EXOC5: variants seen among roughly 807,000 people sequenced by gnomAD.
The protein encoded by EXOC5 is SEC10-like 1.
EXOC5 carries 17 observed loss-of-function variants against 90.8 expected under a neutral mutation model. The ratio of observed to expected loss-of-function variants is 0.19; its 90% CI spans 0.13 to 0.28. The LOEUF is 0.28. Ranked by LOEUF, EXOC5 falls within the 10% of genes least tolerant of loss-of-function variation. EXOC5 has a pLI of 1.00. For synonymous variants in EXOC5, 260 were observed against 270.0 expected, an observed-to-expected ratio of 0.96 and a Z score of 0.36; for missense variants, 569 against 830.6, an observed-to-expected ratio of 0.69 and a Z score of 3.87.
intron 15 of EXOC5, among the ~76,000 whole-genome samples, chr14:57,216,002 A>T (rs969240204): frequency 1.1e-4 from 16 of 152,138 alleles, no homozygotes; most frequent in African/African-American, 3.9e-4. Context: ...ATCATACAAA[A>T]ATCAGTTGTT....
In EXOC5 at chr14:57,232,708, A is replaced by C. The variant is rs1883523702; in HGVS notation, c.897T>G (p.Asp299Glu). 4 of 1,557,376 alleles carry C rather than the reference A, an allele frequency of 2.6e-6. No homozygotes were observed. Among genetic ancestry groups the C allele is most frequent in the Non-Finnish European group, 3.5e-6 (4 of 1,139,612 alleles). Residue 299 changes from aspartate to glutamate, a missense_variant, in exon 10 of 18, where the codon GAT becomes GAG. Physicochemically the swap from Asp to Glu is conservative, Grantham distance 45. Around this residue, in one of 9 missense-constraint regions of EXOC5, gnomAD observed 114 missense variants for 111.2 expected, o/e 1.03. Transcript: ENST00000621441. ...AGAGATTTTTGAGATATTGCTCTGC[A>C]TCGGACTTCCTACATTCTTCTAACT... ...KEQLEECRKSDAEQYLKNLYD... is the reference protein window; with the variant it reads ...KEQLEECRKSEAEQYLKNLYD...
chr14:57,250,677 T>G (rs1441272401), intron 1 of EXOC5, among the ~76,000 whole-genome samples: 1 of 152,074 alleles, frequency 6.6e-6, no homozygotes, highest in Non-Finnish European at 1.5e-5. Flanking sequence ...ATTTCTGCAG[T>G]CTACAAATGT....
rs1442890581 is a variant in EXOC5, at chr14:57,206,514, T to A, written c.*2095A>T. ...TGTGAAAAATTTTAAAAATCTCAAA[T>A]TTTTAAATAAAAAATCATTTATAAA... On this transcript the variant is annotated 3_prime_UTR_variant, in exon 18 of 18. Coordinates refer to ENST00000621441, the MANE Select transcript of EXOC5 (RefSeq NM_006544.4). 2 of 151,968 alleles carry A rather than the reference T, an allele frequency of 1.3e-5. No individual in the cohort carries two copies. Among genetic ancestry groups the A allele is most frequent in the Non-Finnish European group, 2.9e-5 (2 of 67,884 alleles). The allele number at this position is 151,968 out of a possible 1,614,324, so 9.4% of individuals were successfully genotyped here.
intron 1 of EXOC5, among the ~76,000 whole-genome samples, chr14:57,266,496 T>G (rs1192408705): frequency 1.3e-5 from 2 of 152,138 alleles, no homozygotes; most frequent in Non-Finnish European, 2.9e-5. Flanking sequence ...CTATTATGCT[T>G]TTAATTATGA....
chr14:57,268,019 A>G (rs1294149969), intron 1 of EXOC5, among the ~76,000 whole-genome samples: 1 of 152,038 alleles, frequency 6.6e-6, no homozygotes, highest in Non-Finnish European at 1.5e-5. Context: ...GCCTCCCTTC[A>G]GTCTATCTCT....
In EXOC5 at chr14:57,201,390, C is replaced by T. The variant is rs1188332197; in HGVS notation, c.*7219G>A. On this transcript the variant is annotated 3_prime_UTR_variant, in exon 18 of 18. Transcript: ENST00000621441. ...TTAGTTGAACAGAAAACTATGAATA[C>T]ATAGTGATATCAAGAGAATTCTGAT... The T allele has an allele frequency of 6.7e-6, 1 of 149,834 alleles. No homozygotes were observed. The highest frequency in any genetic ancestry group is 2.5e-5 in the African/African-American group (1 of 40,376). 9.3% of individuals were successfully genotyped at this position (149,834 alleles called of 1,614,324 possible).
At chr14:57,265,363 T>A (rs1566509306) in intron 1 of EXOC5, among the ~76,000 whole-genome samples, 1 of 151,850 alleles carries the variant, frequency 6.6e-6, no homozygotes, top group Non-Finnish European at 1.5e-5. Context: ...GGGGAAAAAA[T>A]TAAGCAAATG....
At chr14:57,229,231 T>C (rs569298214) in intron 12 of EXOC5, among the ~76,000 whole-genome samples, 4 of 152,340 alleles carry the variant, frequency 2.6e-5, no homozygotes, top group African/African-American at 9.6e-5. Context: ...AATTATTCTG[T>C]TCTCCAAAAT....
intron 12 of EXOC5, among the ~76,000 whole-genome samples, chr14:57,227,180 A>C (rs779632349): frequency 2.2e-4 from 33 of 152,294 alleles, no homozygotes; most frequent in Admixed American, 3.9e-4. Flanking sequence ...GACGGCAAAT[A>C]AGCACATGAA....
rs767964731 is a variant in EXOC5 at position 57,206,037 on chromosome 14, G to A, written c.*2572C>T. The A allele has an allele frequency of 4.4e-6, 2 of 452,520 alleles. No homozygotes were observed. Among genetic ancestry groups the A allele is most frequent in the Non-Finnish European group, 8.9e-6 (2 of 225,696 alleles). 28.0% of individuals were successfully genotyped at this position (452,520 alleles called of 1,614,324 possible). A position where few individuals can be genotyped will look rare whatever the true frequency, so the allele number is the denominator to read the frequency against. Reference sequence around the variant, plus strand: ...AAGGTAGGCTTCCTTTATTAAATTCGTATTCTGTATTTCAGATATTTCTCA... The same window carrying A: ...AAGGTAGGCTTCCTTTATTAAATTCATATTCTGTATTTCAGATATTTCTCA... On this transcript the variant is annotated 3_prime_UTR_variant, in exon 18 of 18. Coordinates refer to ENST00000621441, the MANE Select transcript of EXOC5 (RefSeq NM_006544.4).
At chr14:57,212,914 C>A (rs1445530879) in intron 15 of EXOC5, among the ~76,000 whole-genome samples, 1 of 152,192 alleles carries the variant, frequency 6.6e-6, no homozygotes, top group Non-Finnish European at 1.5e-5. Flanking sequence ...TCAAGACCTT[C>A]ACTTTTAACT....
rs995617031 is a variant in EXOC5 at position 57,231,599 on chromosome 14, A to T, written c.1055T>A (p.Val352Glu). The T allele has an allele frequency of 1.2e-6, 2 of 1,613,082 alleles. No homozygotes were observed. Among genetic ancestry groups the T allele is most frequent in the Non-Finnish European group, 1.7e-6 (2 of 1,179,424 alleles). Residue 352 changes from valine to glutamate, a missense_variant, in exon 11 of 18, where the codon GTG becomes GAG. Around this residue, in one of 9 missense-constraint regions of EXOC5, gnomAD observed 69 missense variants for 115.5 expected, o/e 0.60. Coordinates refer to ENST00000621441, the MANE Select transcript of EXOC5 (RefSeq NM_006544.4). ...FISYLENYIE[V>E]ETGYLKSRSA... The stretch of plus-strand genomic sequence containing the variant: ...TCTGCTTTTCAAATATCCAGTCTCC[A>T]CCTCAATATAGTTCTCCAAATAGGA...
chr14:57,251,265 C>A (rs1884183118), intron 1 of EXOC5, among the ~76,000 whole-genome samples: 1 of 152,142 alleles, frequency 6.6e-6, no homozygotes, highest in South Asian at 2.1e-4. Context: ...TTGTAGGGGC[C>A]AGCATGTCCA....
At chr14:57,211,881 T>G (rs1882838990) in intron 15 of EXOC5, among the ~76,000 whole-genome samples, 1 of 152,118 alleles carries the variant, frequency 6.6e-6, no homozygotes, top group African/African-American at 2.4e-5. Flanking sequence ...AAAAGTGTTC[T>G]GAGACAGGGT....
At chr14:57,236,287 C>CTTTTTTT (rs746905430) in intron 6 of EXOC5, among the ~76,000 whole-genome samples, 1 of 130,456 alleles carries the variant, frequency 7.7e-6, no homozygotes, top group African/African-American at 2.9e-5. Context: ...TTTTCATTTT[C>CTTTTTTT]TTTTTTTTTT....
Position 57,203,655 on chromosome 14 carries a change from C to T in EXOC5, c.*4954G>A, listed in dbSNP as rs1412782113. Reference sequence around the variant, plus strand: ...TAGGCACTTATAATTCTACATTTTACTGACCTTTCACTGATTATAAAGTAA... The same window carrying T: ...TAGGCACTTATAATTCTACATTTTATTGACCTTTCACTGATTATAAAGTAA... On this transcript the variant is annotated 3_prime_UTR_variant, in exon 18 of 18. Coordinates refer to ENST00000621441, the MANE Select transcript of EXOC5 (RefSeq NM_006544.4). 1 of 152,564 alleles carries T rather than the reference C, an allele frequency of 6.6e-6. No individual in the cohort carries two copies. Among genetic ancestry groups the T allele is most frequent in the Admixed American group, 6.6e-5 (1 of 15,258 alleles). The allele number at this position is 152,564 out of a possible 1,614,324, so 9.5% of individuals were successfully genotyped here.
At chr14:57,220,122 TAC>T (rs1883083397) in intron 13 of EXOC5, among the ~76,000 whole-genome samples, 1 of 151,914 alleles carries the variant, frequency 6.6e-6, no homozygotes, top group Non-Finnish European at 1.5e-5. Context: ...AATGAGAAAA[TAC>T]AGGCTTGACA....
intron 1 of EXOC5, among the ~76,000 whole-genome samples, chr14:57,251,000 AACAG>A (rs1450339315): frequency 3.3e-5 from 5 of 152,196 alleles, no homozygotes; most frequent in African/African-American, 1.2e-4. Context: ...GTATCAATAA[AACAG>A]ACAGGATTCT....
rs1882702114 is a variant in EXOC5 at position 57,207,747 on chromosome 14, T to C, written c.*862A>G. The C allele has an allele frequency of 6.6e-6, 1 of 152,262 alleles. No individual in the cohort carries two copies. The highest frequency in any genetic ancestry group is 2.4e-5 in the African/African-American group (1 of 41,570). The allele number at this position is 152,262 out of a possible 1,614,324, so 9.4% of individuals were successfully genotyped here. A position where few individuals can be genotyped will look rare whatever the true frequency, so the allele number is the denominator to read the frequency against. On this transcript the variant is annotated 3_prime_UTR_variant, in exon 18 of 18. Coordinates refer to ENST00000621441, the MANE Select transcript of EXOC5 (RefSeq NM_006544.4). The stretch of plus-strand genomic sequence containing the variant: ...CTAAACACTGTCAGTATTTCCTATA[T>C]GCACCATTTAGACTATACCTCACTT...
Sources: allele counts gnomAD v4.1 joint callset (sites outside exome capture counted in the v4.1 genomes callset), GRCh38; gene constraint gnomAD v4.1.1; regional missense constraint gnomAD v4.1.1; transcripts MANE v1.5; gene names NCBI Gene and HGNC (gene_info 2026-07-23, HGNC 2026-07-21).